Variants in PPP1R12A observed in about 807,000 individuals in gnomAD.
The protein encoded by PPP1R12A is protein phosphatase 1 regulatory subunit 12A.
PPP1R12A carries 19 observed loss-of-function variants against 139.6 expected under a neutral mutation model. The ratio of observed to expected loss-of-function variants is 0.14; its 90% CI spans 0.09 to 0.20. The LOEUF is 0.20. Among genes scored for constraint, PPP1R12A ranks in the 10% least tolerant of loss-of-function variants. PPP1R12A has a pLI of 1.00. For synonymous variants in PPP1R12A, 427 were observed against 420.6 expected (o/e 1.02, Z -0.19); for missense variants, 925 against 1,211.5 (o/e 0.76, Z 3.51).
intron 2 of PPP1R12A, among the ~76,000 whole-genome samples, chr12:79,864,897 G>C (rs988199641): frequency 6.6e-6 from 1 of 152,172 alleles, no homozygotes; most frequent in African/African-American, 2.4e-5. Context: ...GTACAAAGAA[G>C]AGCTGGTACC....
intron 1 of PPP1R12A, among the ~76,000 whole-genome samples, chr12:79,895,654 C>T (rs1885066115): frequency 6.6e-6 from 1 of 152,148 alleles, no homozygotes; most frequent in Admixed American, 6.5e-5. Context: ...CCCCAAGCCT[C>T]TATTTTATTA....
intron 1 of PPP1R12A, among the ~76,000 whole-genome samples, chr12:79,919,311 C>A (rs1283096268): frequency 6.6e-6 from 1 of 152,030 alleles, no homozygotes; most frequent in Non-Finnish European, 1.5e-5. Flanking sequence ...AATCCCAGCA[C>A]TTTGGGAAGC....
At chr12:79,806,019 T>A in intron 13 of PPP1R12A, 147 bp downstream of exon 13, 1 of 1,121,130 alleles carries the variant, frequency 8.9e-7, no homozygotes, top group South Asian at 1.6e-5. Flanking sequence ...CATGCATAAT[T>A]GCCTCATTTT....
chr12:79,934,321 C>T (rs186641599), intron 1 of PPP1R12A, among the ~76,000 whole-genome samples: 1 of 152,158 alleles, frequency 6.6e-6, no homozygotes, highest in African/African-American at 2.4e-5. Context: ...CAGCATCCAC[C>T]CCTCCGAATA....
In PPP1R12A at chr12:79,812,381, T is replaced by TGTGTG. The variant is rs1565753645; in HGVS notation, c.1240-2372_1240-2371insCACAC. Among the ~76,000 whole-genome samples the TGTGTG allele has an allele frequency of 2.5e-4, 22 of 89,124 alleles. No individual in the cohort carries two copies. The South Asian group carries it at 8.2e-3, about 33-fold the overall frequency. The allele number at this position is 89,124 out of a possible 152,430, so 58.5% of individuals were successfully genotyped here. ...CTGACCATTCCTTTTCTTGACTGACTCTGTGTGTGCGTGTGTGTGTGTGTG... is the reference window on the plus strand; with the variant it reads ...CTGACCATTCCTTTTCTTGACTGACTGTGTGCTGTGTGTGCGTGTGTGTGTGTGTG... On this transcript the variant is annotated intron_variant, in intron 9 of 24. Coordinates refer to ENST00000450142, the MANE Select transcript of PPP1R12A (RefSeq NM_002480.3).
At chr12:79,908,101 G>A (rs1886275952) in intron 1 of PPP1R12A, among the ~76,000 whole-genome samples, 1 of 152,100 alleles carries the variant, frequency 6.6e-6, no homozygotes, top group South Asian at 2.1e-4. Context: ...GGTTGAAAAC[G>A]TTTAGTTAGG....
At chr12:79,867,972 T>A (rs949526075) in intron 2 of PPP1R12A, among the ~76,000 whole-genome samples, 5 of 152,206 alleles carry the variant, frequency 3.3e-5, no homozygotes, top group Admixed American at 6.5e-5. Flanking sequence ...TGTTCCTTTA[T>A]AAATTACCCA....
rs1872598302 is a variant in PPP1R12A at position 79,797,279 on chromosome 12, A to T, written c.2208T>A (p.Asp736Glu). ...CCTTCTTTTCTTCTTGTTTCTCTTT[A>T]TCTTGTTTCTCTTTTTCCTCTTTTT... ...EKEKEEKEKQDKEKQEEKKES... is the reference protein window; with the variant it reads ...EKEKEEKEKQEKEKQEEKKES... Residue 736 changes from aspartate (D) to glutamate (E), a missense_variant, in exon 16 of 25, where the codon GAT (aspartate) becomes GAA (glutamate). Asp to Glu is a conservative substitution (Grantham distance 45). Coordinates refer to ENST00000450142, the MANE Select transcript of PPP1R12A (RefSeq NM_002480.3). 3 of 1,587,232 alleles carry T rather than the reference A, an allele frequency of 1.9e-6. No individual in the cohort carries two copies. The South Asian group carries it at 3.4e-5, about 18-fold the overall frequency.
intron 1 of PPP1R12A, among the ~76,000 whole-genome samples, chr12:79,898,681 G>A (rs1283993501): frequency 6.6e-6 from 1 of 151,950 alleles, no homozygotes; most frequent in African/African-American, 2.4e-5. Context: ...TCTTCATGTT[G>A]CAATATTTTG....
rs1360818788 is a variant in PPP1R12A, at chr12:79,774,965, A to G, written c.*964T>C. 1 of 152,356 alleles carries G rather than the reference A, an allele frequency of 6.6e-6. No homozygotes were observed. Among genetic ancestry groups the G allele is most frequent in the African/African-American group, 2.4e-5 (1 of 41,464 alleles). 9.4% of individuals were successfully genotyped at this position (152,356 alleles called of 1,614,324 possible). On this transcript the variant is annotated 3_prime_UTR_variant, in exon 25 of 25. Transcript: ENST00000450142. The stretch of plus-strand genomic sequence containing the variant: ...ATAATGTGTAACTTTTAAAGTCTTT[A>G]TATCACATTGTTAGCAAATTTTGTT...
chr12:79,920,693 C>T (rs753850427), intron 1 of PPP1R12A, among the ~76,000 whole-genome samples: 1 of 152,078 alleles, frequency 6.6e-6, no homozygotes, highest in African/African-American at 2.4e-5. Context: ...GAACTTGTGG[C>T]TTTCTAAGAA....
rs748494057 is a variant in PPP1R12A, at chr12:79,796,771, G to T, written c.2461+11C>A. On this transcript the variant is annotated intron_variant, in intron 17 of 24. Transcript: ENST00000450142. ...AGAAAGCAAAGTGTTTTCAAAATTT[G>T]GTATTCTTACCTCTTTCATTTTCTT... The T allele has an allele frequency of 4.4e-6, 7 of 1,574,250 alleles. No individual in the cohort carries two copies. Among genetic ancestry groups the T allele is most frequent in the Non-Finnish European group, 6.1e-6 (7 of 1,153,024 alleles).
At chr12:79,884,402 G>C (rs1883918715) in intron 1 of PPP1R12A, among the ~76,000 whole-genome samples, 1 of 151,996 alleles carries the variant, frequency 6.6e-6, no homozygotes, top group Non-Finnish European at 1.5e-5. Flanking sequence ...AAATGTTTTT[G>C]AAATATTTTA....
intron 12 of PPP1R12A, 150 bp downstream of exon 12, chr12:79,807,075 CT>C (rs1873927670): frequency 4.0e-6 from 2 of 502,638 alleles, no homozygotes; most frequent in Admixed American, 7.7e-5. Flanking sequence ...AATATATATC[CT>C]GTGTTTAGAG....
chr12:79,904,141 G>A (rs1885888129), intron 1 of PPP1R12A, among the ~76,000 whole-genome samples: 1 of 151,914 alleles, frequency 6.6e-6, no homozygotes, highest in South Asian at 2.1e-4. Context: ...CTTGAACCCG[G>A]GAGGTGGAGG....
chr12:79,814,089 A>C (rs538125607), intron 9 of PPP1R12A, among the ~76,000 whole-genome samples: 1 of 152,336 alleles, frequency 6.6e-6, no homozygotes, highest in South Asian at 2.1e-4. Context: ...AAACTTGAAA[A>C]AATTTTAAAA....
At chr12:79,932,431 A>C (rs2136981045) in intron 1 of PPP1R12A, among the ~76,000 whole-genome samples, 1 of 152,332 alleles carries the variant, frequency 6.6e-6, no homozygotes, top group South Asian at 2.1e-4. Context: ...ACATAACACA[A>C]ATTTTTAATG....
chr12:79,788,450 A>C (rs1846405258), intron 21 of PPP1R12A, 198 bp downstream of exon 21: 1 of 515,254 alleles, frequency 1.9e-6, no homozygotes, highest in South Asian at 3.2e-5. Flanking sequence ...CTTAAATGTA[A>C]AATCATCTTG....
rs984355389 is a variant in PPP1R12A, at chr12:79,773,702, C to G, written c.*2227G>C. 6.6e-6 allele frequency: 1 copy of G among 152,118 alleles called. No homozygotes were observed. Among genetic ancestry groups the G allele is most frequent in the African/African-American group, 2.4e-5 (1 of 41,428 alleles). The allele number at this position is 152,118 out of a possible 1,614,324, so 9.4% of individuals were successfully genotyped here. The stretch of plus-strand genomic sequence containing the variant: ...TGCTGTGCAAATTATCACAATATTA[C>G]AATTTCAGAAATTATTCAAATTGGT... On this transcript the variant is annotated 3_prime_UTR_variant, in exon 25 of 25. Transcript: ENST00000450142.
Sources: allele counts gnomAD v4.1 joint callset (sites outside exome capture counted in the v4.1 genomes callset), GRCh38; gene constraint gnomAD v4.1.1; transcripts MANE v1.5; gene names NCBI Gene and HGNC (gene_info 2026-07-23, HGNC 2026-07-21).